KCTD16: variants seen among roughly 807,000 people sequenced by gnomAD.
The protein encoded by KCTD16 is potassium channel tetramerization domain containing 16.
KCTD16 carries 13 observed loss-of-function variants against 33.2 expected under a neutral mutation model. The ratio of observed to expected loss-of-function variants is 0.39; its 90% CI spans 0.25 to 0.62. KCTD16 has a LOEUF of 0.62. Among genes scored for constraint, KCTD16 ranks in the 20% least tolerant of loss-of-function variants. KCTD16 has a pLI of 0.50. For missense variants in KCTD16, 441 were observed against 525.1 expected (o/e 0.84, Z 1.57); for synonymous variants, 197 against 195.3 (o/e 1.01, Z -0.07).
intron 3 of KCTD16, among the ~76,000 whole-genome samples, chr5:144,301,260 A>G (rs1005352602): frequency 1.1e-4 from 16 of 146,558 alleles, no homozygotes; most frequent in African/African-American, 4.1e-4. Flanking sequence ...AAAAAAAAAA[A>G]AGATCGTGAA....
chr5:144,306,288 T>C (rs1287037411), intron 3 of KCTD16, among the ~76,000 whole-genome samples: 3 of 152,352 alleles, frequency 2.0e-5, no homozygotes, highest in South Asian at 2.1e-4. Flanking sequence ...GCAAAAACTT[T>C]AGGGAAGGGA....
chr5:144,184,155 ACAGTT>A (rs1411504472), intron 2 of KCTD16, among the ~76,000 whole-genome samples: 1 of 152,200 alleles, frequency 6.6e-6, no homozygotes, highest in Non-Finnish European at 1.5e-5. Flanking sequence ...TTTTAAGTAT[ACAGTT>A]CAGTGTTGTT....
intron 3 of KCTD16, among the ~76,000 whole-genome samples, chr5:144,265,981 T>C (rs1755132309): frequency 6.6e-6 from 1 of 152,208 alleles, no homozygotes; most frequent in Non-Finnish European, 1.5e-5. Context: ...CTCAATAGTT[T>C]ACATTCAGAA....
At chr5:144,459,824 C>CTTTTTTTTTTTTTTT (rs70995051) in intron 3 of KCTD16, among the ~76,000 whole-genome samples, 2 of 66,754 alleles carry the variant, frequency 3.0e-5, no homozygotes, top group Non-Finnish European at 2.6e-5. Context: ...CCAATATCAT[C>CTTTTTTTTTTTTTTT]TTTTTTTTTT....
intron 3 of KCTD16, among the ~76,000 whole-genome samples, chr5:144,243,285 CTCTT>C (rs1338366487): frequency 3.9e-5 from 6 of 152,102 alleles, no homozygotes; most frequent in African/African-American, 7.2e-5. Flanking sequence ...TATAAAGTTA[CTCTT>C]TCTTTCTCTT....
chr5:144,426,538 A>C (rs575265562), intron 3 of KCTD16, among the ~76,000 whole-genome samples: 1 of 152,104 alleles, frequency 6.6e-6, no homozygotes, highest in South Asian at 2.1e-4. Context: ...TTTTTTTAAA[A>C]ATAGTATTAG....
intron 1 of KCTD16, among the ~76,000 whole-genome samples, chr5:144,172,820 A>G (rs1012680084): frequency 7.2e-5 from 11 of 152,344 alleles, no homozygotes; most frequent in Admixed American, 2.6e-4. Flanking sequence ...CATCAATAAG[A>G]TGCAATAATC....
At chr5:144,339,849 C>T (rs935073898) in intron 3 of KCTD16, among the ~76,000 whole-genome samples, 1 of 152,178 alleles carries the variant, frequency 6.6e-6, no homozygotes. Context: ...AATTAAAACA[C>T]ATTTGTGATC....
At chr5:144,346,511 C>T (rs1008915576) in intron 3 of KCTD16, among the ~76,000 whole-genome samples, 1 of 152,110 alleles carries the variant, frequency 6.6e-6, no homozygotes. Flanking sequence ...TCCACATCCT[C>T]GCCAGCATTT....
Position 144,305,522 on chromosome 5 carries a change from A to T in KCTD16, c.832+97976A>T, listed in dbSNP as rs1013703455. Among the ~76,000 whole-genome samples the T allele has an allele frequency of 2.6e-5, 4 of 152,174 alleles. No homozygotes were observed. In the East Asian group the frequency reaches 5.8e-4, roughly 22 times the overall value. On this transcript the variant is annotated intron_variant, in intron 3 of 3. Coordinates refer to ENST00000512467, the MANE Select transcript of KCTD16 (RefSeq NM_020768.4). ...ACTAGGAAAAGACCTCATGAGGATA[A>T]ATTAAGGAGTAGGCTGGGTGCAGTG...
At chr5:144,312,347 T>C (rs1347367958) in intron 3 of KCTD16, among the ~76,000 whole-genome samples, 1 of 152,068 alleles carries the variant, frequency 6.6e-6, no homozygotes, top group East Asian at 1.9e-4. Context: ...ATTAAACATA[T>C]ACAGTTGGAG....
At chr5:144,463,958 G>C (rs1754260516) in intron 3 of KCTD16, among the ~76,000 whole-genome samples, 1 of 152,180 alleles carries the variant, frequency 6.6e-6, no homozygotes, top group Admixed American at 6.5e-5. Context: ...ATGACGATTT[G>C]TTAGTGGCTA....
chr5:144,440,289 T>C (rs1753674906), intron 3 of KCTD16, among the ~76,000 whole-genome samples: 2 of 152,204 alleles, frequency 1.3e-5, no homozygotes, highest in South Asian at 4.1e-4. Context: ...TGATTGCAAA[T>C]GCATGATACA....
chr5:144,288,009 T>G (rs1451766171), intron 3 of KCTD16, among the ~76,000 whole-genome samples: 1 of 152,148 alleles, frequency 6.6e-6, no homozygotes, highest in African/African-American at 2.4e-5. Context: ...AGAGCATTGA[T>G]TTTTAAACTT....
chr5:144,418,298 G>C (rs1212992850), intron 3 of KCTD16, among the ~76,000 whole-genome samples: 1 of 152,122 alleles, frequency 6.6e-6, no homozygotes, highest in Non-Finnish European at 1.5e-5. Flanking sequence ...GGGGATTCTG[G>C]TGGCCTGCTT....
chr5:144,390,689 C>A (rs1752429171), intron 3 of KCTD16, among the ~76,000 whole-genome samples: 1 of 151,960 alleles, frequency 6.6e-6, no homozygotes, highest in South Asian at 2.1e-4. Context: ...CCCCCTACCC[C>A]CGACGGGCCC....
At chr5:144,398,720 T>C (rs1752635065) in intron 3 of KCTD16, among the ~76,000 whole-genome samples, 1 of 152,006 alleles carries the variant, frequency 6.6e-6, no homozygotes, top group African/African-American at 2.4e-5. Context: ...TCTCTCTCTC[T>C]CTCTCTCTCT....
At chr5:144,324,432 GC>G (rs1752151441) in intron 3 of KCTD16, among the ~76,000 whole-genome samples, 1 of 152,276 alleles carries the variant, frequency 6.6e-6, no homozygotes, top group East Asian at 1.9e-4. Context: ...ACCAACAGAT[GC>G]TGGTGAGGCT....
chr5:144,201,646 C>T (rs1232165448), intron 2 of KCTD16, among the ~76,000 whole-genome samples: 3 of 152,170 alleles, frequency 2.0e-5, no homozygotes, highest in Non-Finnish European at 4.4e-5. Context: ...TGCCACCATA[C>T]CCTGGCTCAG....
Sources: allele counts gnomAD v4.1 joint callset (sites outside exome capture counted in the v4.1 genomes callset), GRCh38; gene constraint gnomAD v4.1.1; transcripts MANE v1.5; gene names NCBI Gene and HGNC (gene_info 2026-07-23, HGNC 2026-07-21).